MICAL3: variants seen among roughly 807,000 people sequenced by gnomAD.
The protein encoded by MICAL3 is [F-actin]-monooxygenase MICAL3.
MICAL3 carries 62 observed loss-of-function variants against 207.4 expected under a neutral mutation model. The observed-to-expected ratio is 0.30, with a 90% confidence interval of 0.24 to 0.37. The LOEUF (loss-of-function observed/expected upper bound fraction) is 0.37. MICAL3 is among the 10% of genes least tolerant of loss of function. The pLI, the probability that MICAL3 is intolerant of heterozygous loss-of-function variation, is 1.00. For synonymous variants in MICAL3, 1,077 were observed against 1,069.3 expected (o/e 1.01, Z -0.14); for missense variants, 2,368 against 2,635.6 (o/e 0.90, Z 2.22).
rs781404620 is a variant in MICAL3 at position 17,817,354 on chromosome 22, C to A, written c.5307G>T (p.Thr1769=). ...SCPSTPSSGA[T]VDSGKHRVLP... is the part of the protein sequence containing the mutation. Reference sequence around the variant, plus strand: ...GCACCCTGTGCTTTCCAGAGTCCACCGTGGCCCCGCTGGAGGGGGTGCTGG... The same window carrying A: ...GCACCCTGTGCTTTCCAGAGTCCACAGTGGCCCCGCTGGAGGGGGTGCTGG... Residue 1769 remains threonine (T), a synonymous_variant, in exon 26 of 32, where the codon ACG becomes ACT. Coordinates refer to ENST00000441493, the MANE Select transcript of MICAL3 (RefSeq NM_015241.3). 2 of 1,610,036 alleles carry A rather than the reference C, an allele frequency of 1.2e-6. No individual in the cohort carries two copies. The highest frequency in any genetic ancestry group is 4.5e-5 in the East Asian group (2 of 44,738).
chr22:17,965,363 T>C (rs379667), intron 1 of MICAL3, among the ~76,000 whole-genome samples: 56,605 of 151,862 alleles, frequency 0.37, 11,090 homozygotes, highest in East Asian at 0.52. Flanking sequence ...TTAAGAGAGG[T>C]CCTGAAGGCA....
chr22:17,805,811 C>T (rs2145978098), intron 29 of MICAL3, among the ~76,000 whole-genome samples: 1 of 152,332 alleles, frequency 6.6e-6, no homozygotes, highest in Middle Eastern at 3.4e-3. Context: ...TCACCGCAAC[C>T]TCCACCTCCC....
In MICAL3 at chr22:17,832,077, TCCCTCCTCCTCC is replaced by T. The variant is rs1922866472; in HGVS notation, c.2820_2831del (p.Met940_Gly944delinsIle). The T allele has an allele frequency of 3.8e-6, 6 of 1,582,358 alleles. No homozygotes were observed. Among genetic ancestry groups the T allele is most frequent in the Admixed American group, 1.8e-5 (1 of 54,620 alleles). On this transcript the variant is annotated inframe_deletion, in exon 21 of 32. Coordinates refer to ENST00000441493, the MANE Select transcript of MICAL3 (RefSeq NM_015241.3). Reference sequence around the variant, plus strand: ...GGCGAGGCTCCTCCTCCTCCTCCTCTCCCTCCTCCTCCATCTCAGACTCGGAACTACTGTGAG... The same window carrying T: ...GGCGAGGCTCCTCCTCCTCCTCCTCTATCTCAGACTCGGAACTACTGTGAG...
intron 16 of MICAL3, among the ~76,000 whole-genome samples, chr22:17,882,916 G>A (rs1415277287): frequency 6.6e-6 from 1 of 152,104 alleles, no homozygotes; most frequent in Non-Finnish European, 1.5e-5. Context: ...GACAAGCTGC[G>A]CTGGCAGGGA....
chr22:17,794,999 A>C (rs1368864491), intron 29 of MICAL3, among the ~76,000 whole-genome samples: 1 of 152,230 alleles, frequency 6.6e-6, no homozygotes, highest in East Asian at 1.9e-4. Flanking sequence ...CCAACAAGAC[A>C]AAGAGCTGGC....
intron 1 of MICAL3, among the ~76,000 whole-genome samples, chr22:17,915,551 G>A (rs117714025): frequency 0.012 from 1,842 of 152,266 alleles, 20 homozygotes; most frequent in Non-Finnish European, 0.016. Context: ...GCTTTCCGAC[G>A]CTGGCCCAAA....
At chr22:17,934,344 C>T (rs1484335616) in intron 1 of MICAL3, among the ~76,000 whole-genome samples, 1 of 151,580 alleles carries the variant, frequency 6.6e-6, no homozygotes, top group Non-Finnish European at 1.5e-5. Context: ...TAAACAGAAC[C>T]AAAGACAAAA....
At position 17,790,831 on chromosome 22, in the gene MICAL3, C is replaced by A; in HGVS notation, c.5910G>T (p.Leu1970=). The A allele has an allele frequency of 1.9e-6, 3 of 1,613,868 alleles. No homozygotes were observed. Among genetic ancestry groups the A allele is most frequent in the Non-Finnish European group, 2.5e-6 (3 of 1,179,880 alleles). ...GCCGCTGCTCCTCCAGCAGCGCCAC[C>A]AGTGAGTCTCTCTGCTCCACCACCT... ...MLEVVEQRDS[L]VALLEEQRLR... The change falls in exon 32 of 32, where the codon CTG becomes CTT. Residue 1970 remains leucine (L), a synonymous_variant. Transcript: ENST00000441493.
chr22:18,000,439 C>T (rs1452052992), intron 1 of MICAL3, among the ~76,000 whole-genome samples: 2 of 152,238 alleles, frequency 1.3e-5, no homozygotes, highest in Non-Finnish European at 2.9e-5. Flanking sequence ...GGCTGGTCCC[C>T]GCCCCTTAAC....
chr22:17,973,399 G>C (rs2146416101), intron 1 of MICAL3, among the ~76,000 whole-genome samples: 1 of 152,336 alleles, frequency 6.6e-6, no homozygotes, highest in East Asian at 1.9e-4. Flanking sequence ...CTGAGCATAT[G>C]ATCCTTCCCA....
intron 1 of MICAL3, among the ~76,000 whole-genome samples, chr22:17,961,235 T>C (rs1449055362): frequency 1.3e-5 from 2 of 152,032 alleles, no homozygotes; most frequent in African/African-American, 2.4e-5. Context: ...GGCTAAAACA[T>C]GAGGTGTGAG....
intron 1 of MICAL3, among the ~76,000 whole-genome samples, chr22:17,977,673 T>C (rs187258691): frequency 9.5e-4 from 144 of 152,154 alleles, no homozygotes; most frequent in African/African-American, 3.0e-3. Context: ...AAGTTAAACA[T>C]AGAGTTACCA....
At chr22:17,989,502 G>A (rs955557341) in intron 1 of MICAL3, among the ~76,000 whole-genome samples, 1 of 151,838 alleles carries the variant, frequency 6.6e-6, no homozygotes, top group African/African-American at 2.4e-5. Context: ...AATGCTGAAG[G>A]CAACCCCAGC....
intron 19 of MICAL3, among the ~76,000 whole-genome samples, chr22:17,849,937 C>T (rs146952785): frequency 8.4e-4 from 127 of 151,978 alleles, no homozygotes; most frequent in African/African-American, 2.8e-3. Flanking sequence ...GTGATCCGCC[C>T]GCCTTAGCCT....
intron 1 of MICAL3, among the ~76,000 whole-genome samples, chr22:17,974,320 G>A (rs1390888798): frequency 6.6e-6 from 1 of 152,202 alleles, no homozygotes; most frequent in Non-Finnish European, 1.5e-5. Flanking sequence ...AGCCTATGCT[G>A]CATGGCCTGG....
chr22:17,970,153 C>T (rs140423605), intron 1 of MICAL3, among the ~76,000 whole-genome samples: 77 of 152,334 alleles, frequency 5.1e-4, no homozygotes, highest in East Asian at 1.9e-3. Flanking sequence ...GCTCTTCTCT[C>T]GGTCCCACCT....
intron 1 of MICAL3, among the ~76,000 whole-genome samples, chr22:18,013,394 C>T (rs138784870): frequency 4.6e-5 from 7 of 152,296 alleles, no homozygotes; most frequent in African/African-American, 1.7e-4. Flanking sequence ...TGTCATTACT[C>T]CTGTTTTAGT....
chr22:17,990,111 TA>T (rs5844342), intron 1 of MICAL3, among the ~76,000 whole-genome samples: 35,344 of 149,642 alleles, frequency 0.24, 4,745 homozygotes, highest in East Asian at 0.52. Context: ...GAATTGCTAA[TA>T]AAAAAAAAAT....
chr22:17,836,077 G>T (rs1283158239), intron 20 of MICAL3, among the ~76,000 whole-genome samples: 1 of 152,142 alleles, frequency 6.6e-6, no homozygotes, highest in South Asian at 2.1e-4. Flanking sequence ...TCAACTCAAA[G>T]CACCTGCTCT....
Sources: gnomAD v4.1 joint callset for allele counts (sites outside exome capture counted in the v4.1 genomes callset) on GRCh38, gnomAD v4.1.1 for gene constraint, MANE v1.5 for transcripts, NCBI Gene and HGNC (gene_info 2026-07-23, HGNC 2026-07-21) for gene names.